ZDHHC14: variants seen among roughly 807,000 people sequenced by gnomAD.
ZDHHC14 encodes zDHHC palmitoyltransferase 14.
Under a neutral mutation model 47.7 loss-of-function variants are expected in ZDHHC14, and 16 were observed. The ratio of observed to expected loss-of-function variants is 0.34; its 90% CI spans 0.23 to 0.51. ZDHHC14 has a LOEUF of 0.51. ZDHHC14 is among the 20% of genes least tolerant of loss of function. The probability of loss-of-function intolerance (pLI) is 0.97; values close to 1 mark genes in which losing one functional copy is unlikely to be tolerated. For synonymous variants in ZDHHC14, 293 were observed against 278.9 expected (o/e 1.05, Z -0.50); for missense variants, 515 against 662.5 (o/e 0.78, Z 2.44).
chr6:157,590,975 T>C (rs558110849), intron 2 of ZDHHC14, among the ~76,000 whole-genome samples: 2 of 152,348 alleles, frequency 1.3e-5, no homozygotes, highest in South Asian at 2.1e-4. Flanking sequence ...CTTTAAGCTT[T>C]AATGACTGAC....
chr6:157,607,050 G>GT (rs34726415), intron 3 of ZDHHC14, among the ~76,000 whole-genome samples: 99,332 of 151,938 alleles, frequency 0.65, 32,712 homozygotes, highest in South Asian at 0.8. Flanking sequence ...TAGCATATTC[G>GT]AAGTATGTAT....
intron 1 of ZDHHC14, among the ~76,000 whole-genome samples, chr6:157,433,056 G>A (rs191674406): frequency 2.6e-5 from 4 of 152,370 alleles, no homozygotes; most frequent in East Asian, 1.9e-4. Context: ...GCCCAAGAGC[G>A]GTGTGCCTGT....
chr6:157,486,317 T>C (rs1348208588), intron 1 of ZDHHC14, among the ~76,000 whole-genome samples: 2 of 152,182 alleles, frequency 1.3e-5, no homozygotes, highest in East Asian at 1.9e-4. Flanking sequence ...GTATTTCAAT[T>C]CCGTTAAACT....
At chr6:157,630,580 T>G (rs1199880979) in intron 4 of ZDHHC14, 1 of 134,032 alleles carries the variant, frequency 7.5e-6, no homozygotes. Flanking sequence ...CCACACACCC[T>G]TACACACTCA....
At chr6:157,543,312 A>G (rs1451345638) in intron 2 of ZDHHC14, among the ~76,000 whole-genome samples, 1 of 151,978 alleles carries the variant, frequency 6.6e-6, no homozygotes, top group African/African-American at 2.4e-5. Flanking sequence ...AAGATATTAA[A>G]ACAGATCCTA....
intron 1 of ZDHHC14, among the ~76,000 whole-genome samples, chr6:157,443,374 C>T (rs1380680825): frequency 6.6e-6 from 1 of 152,140 alleles, no homozygotes; most frequent in Non-Finnish European, 1.5e-5. Context: ...AATACAGGGT[C>T]CCACTGCCTG....
chr6:157,574,371 C>T (rs530119331), intron 2 of ZDHHC14, among the ~76,000 whole-genome samples: 9 of 152,220 alleles, frequency 5.9e-5, no homozygotes, highest in East Asian at 3.9e-4. Flanking sequence ...TTCAGTCAGC[C>T]GAGATCGCGC....
chr6:157,572,278 TAC>T (rs1276198688), intron 2 of ZDHHC14, among the ~76,000 whole-genome samples: 1 of 152,076 alleles, frequency 6.6e-6, no homozygotes, highest in Non-Finnish European at 1.5e-5. Flanking sequence ...TCATGACAAC[TAC>T]AAACATCTCT....
intron 3 of ZDHHC14, among the ~76,000 whole-genome samples, chr6:157,610,548 C>T (rs754817037): frequency 1.9e-4 from 29 of 152,324 alleles, no homozygotes; most frequent in Middle Eastern, 3.4e-3. Context: ...AGGTTCCTGT[C>T]GGTCACTCCT....
At position 157,658,651 on chromosome 6, in the gene ZDHHC14, T is replaced by C. The variant is rs560023582; in HGVS notation, c.1068+5024T>C. ...CTTATTTGTCTCCTATTTCTTGAATTTATGGGATAAATCCTACTTGGCCAT... is the reference window on the plus strand; with the variant it reads ...CTTATTTGTCTCCTATTTCTTGAATCTATGGGATAAATCCTACTTGGCCAT... On this transcript the variant is annotated intron_variant, in intron 8 of 8. Transcript: ENST00000359775. Among the ~76,000 whole-genome samples, 3 of 152,340 alleles carry C rather than the reference T, an allele frequency of 2.0e-5. No individual in the cohort carries two copies. The East Asian group carries it at 5.8e-4, about 29-fold the overall frequency.
At chr6:157,466,709 G>T (rs1163622396) in intron 1 of ZDHHC14, among the ~76,000 whole-genome samples, 1 of 151,944 alleles carries the variant, frequency 6.6e-6, no homozygotes, top group Non-Finnish European at 1.5e-5. Context: ...GTGGTGGCAG[G>T]CACCTGTAAT....
chr6:157,604,369 C>A (rs1019597047), intron 3 of ZDHHC14, among the ~76,000 whole-genome samples: 7 of 151,878 alleles, frequency 4.6e-5, no homozygotes, highest in Non-Finnish European at 8.8e-5. Flanking sequence ...AAACACTACT[C>A]CATTTCTTAG....
chr6:157,464,613 C>T (rs993823472), intron 1 of ZDHHC14, among the ~76,000 whole-genome samples: 4 of 152,232 alleles, frequency 2.6e-5, no homozygotes, highest in East Asian at 1.9e-4. Flanking sequence ...ACTGCTTTTC[C>T]CTCTTGTAAA....
intron 1 of ZDHHC14, among the ~76,000 whole-genome samples, chr6:157,406,410 C>T (rs1399493762): frequency 2.0e-5 from 3 of 152,218 alleles, no homozygotes; most frequent in Admixed American, 1.3e-4. Flanking sequence ...GACATTGAAT[C>T]GTACCTTTGG....
chr6:157,541,220 C>G (rs988824495), intron 1 of ZDHHC14, among the ~76,000 whole-genome samples: 5 of 152,110 alleles, frequency 3.3e-5, no homozygotes, highest in African/African-American at 1.2e-4. Flanking sequence ...ACTTGCACAG[C>G]CACAGTCCAC....
At chr6:157,566,920 G>A (rs944097155) in intron 2 of ZDHHC14, among the ~76,000 whole-genome samples, 7 of 150,078 alleles carry the variant, frequency 4.7e-5, no homozygotes, top group Admixed American at 2.0e-4. Flanking sequence ...GTGTGATTTC[G>A]GCTCACTGCA....
intron 3 of ZDHHC14, among the ~76,000 whole-genome samples, chr6:157,616,739 A>G (rs977141982): frequency 6.6e-6 from 1 of 152,218 alleles, no homozygotes; most frequent in Non-Finnish European, 1.5e-5. Context: ...GTCCGGGTGC[A>G]GGGACAGTGT....
intron 3 of ZDHHC14, among the ~76,000 whole-genome samples, chr6:157,613,994 T>C (rs887020011): frequency 6.6e-6 from 1 of 152,210 alleles, no homozygotes; most frequent in African/African-American, 2.4e-5. Flanking sequence ...TCCCTGATAT[T>C]ATATCCTTCT....
chr6:157,515,175 A>G (rs918972405), intron 1 of ZDHHC14, among the ~76,000 whole-genome samples: 9 of 152,162 alleles, frequency 5.9e-5, no homozygotes, highest in African/African-American at 2.2e-4. Context: ...CATGCCAGCC[A>G]CGGCGAGTAC....
Sources: gnomAD v4.1 joint callset for allele counts (sites outside exome capture counted in the v4.1 genomes callset) on GRCh38, gnomAD v4.1.1 for gene constraint, MANE v1.5 for transcripts, NCBI Gene and HGNC (gene_info 2026-07-23, HGNC 2026-07-21) for gene names.